SV2C: variants seen among roughly 807,000 people sequenced by gnomAD.
The protein encoded by SV2C is solute carrier family 22 member B3.
SV2C carries 49 observed loss-of-function variants against 79.7 expected under a neutral mutation model. That is an observed-to-expected ratio of 0.61 (90% confidence interval 0.49 to 0.78). The LOEUF (loss-of-function observed/expected upper bound fraction) is 0.78. SV2C is among the 30% of genes least tolerant of loss of function. The probability of loss-of-function intolerance (pLI) is 0.00; values close to 1 mark genes in which losing one functional copy is unlikely to be tolerated. For missense variants in SV2C, 833 were observed against 912.9 expected, an observed-to-expected ratio of 0.91 and a Z score of 1.13; for synonymous variants, 334 against 333.2, an observed-to-expected ratio of 1.00 and a Z score of -0.03.
intron 12 of SV2C, among the ~76,000 whole-genome samples, chr5:76,343,003 C>T (rs560651462): frequency 4.0e-5 from 6 of 151,814 alleles, no homozygotes; most frequent in South Asian, 2.1e-4. Context: ...AGATTATAGG[C>T]GTGAGGCACC....
chr5:76,006,390 G>A, the SV2C span, among the ~76,000 whole-genome samples: 4,867 of 152,170 alleles, frequency 0.032, 283 homozygotes, highest in African/African-American at 0.11. Flanking sequence ...AATGGTTTTT[G>A]TTTAGGCAAT....
chr5:76,085,963 G>A (rs1747180091), intron 1 of SV2C, among the ~76,000 whole-genome samples: 2 of 151,818 alleles, frequency 1.3e-5, no homozygotes. Flanking sequence ...TTTCCTAACA[G>A]TCTAATATGT....
At chr5:75,985,288 T>C in the SV2C span, among the ~76,000 whole-genome samples, 13 of 151,976 alleles carry the variant, frequency 8.6e-5, no homozygotes, top group African/African-American at 2.9e-4. Context: ...AATCTATTCA[T>C]GAGGGATCTG....
intron 4 of SV2C, among the ~76,000 whole-genome samples, chr5:76,270,670 T>C (rs1746819318): frequency 6.6e-6 from 1 of 152,190 alleles, no homozygotes; most frequent in African/African-American, 2.4e-5. Flanking sequence ...TATATTGTGT[T>C]GGGGCTCAAA....
At position 76,131,686 on chromosome 5, in the gene SV2C, G is replaced by GAT; in HGVS notation, c.-65_-64insAT. The GAT allele has an allele frequency of 2.8e-6, 4 of 1,413,542 alleles. No individual in the cohort carries two copies. The highest frequency in any genetic ancestry group is 2.8e-5 in the South Asian group (2 of 71,338). The allele number at this position is 1,413,542 out of a possible 1,614,324, so 87.6% of individuals were successfully genotyped here. On this transcript the variant is annotated 5_prime_UTR_variant, in exon 2 of 13. An upstream open reading frame in the 5' UTR gains an earlier in-frame stop. Coordinates refer to ENST00000502798, the MANE Select transcript of SV2C (RefSeq NM_014979.4). ...ACCCAAAGTGGATGATGCTGTCAGAGCTGAACCACTGAAAGGAGGCTGTGA... is the reference window on the plus strand; with the variant it reads ...ACCCAAAGTGGATGATGCTGTCAGAGATCTGAACCACTGAAAGGAGGCTGTGA...
chr5:76,204,743 G>C (rs1744559162), intron 3 of SV2C, among the ~76,000 whole-genome samples: 1 of 152,056 alleles, frequency 6.6e-6, no homozygotes, highest in South Asian at 2.1e-4. Context: ...CTCTTTCATT[G>C]AAGAAACCTA....
At chr5:75,968,030 G>A in the SV2C span, among the ~76,000 whole-genome samples, 3 of 152,192 alleles carry the variant, frequency 2.0e-5, no homozygotes, top group African/African-American at 7.2e-5. Context: ...CCGCTGTTCT[G>A]CAGACACCGC....
intron 1 of SV2C, among the ~76,000 whole-genome samples, chr5:76,110,773 A>G (rs1748071690): frequency 6.6e-6 from 1 of 152,192 alleles, no homozygotes; most frequent in Middle Eastern, 3.2e-3. Flanking sequence ...TGAAACCAGG[A>G]TGGGATGAAA....
At chr5:75,970,351 T>TA in the SV2C span, among the ~76,000 whole-genome samples, 1 of 151,738 alleles carries the variant, frequency 6.6e-6, no homozygotes. Context: ...AATAGAGACA[T>TA]AAAAAACCCT....
chr5:75,966,978 T>C, the SV2C span, among the ~76,000 whole-genome samples: 4,352 of 152,252 alleles, frequency 0.029, 182 homozygotes, highest in African/African-American at 0.092. Context: ...ACAATTAACA[T>C]GATTGTTGAG....
chr5:76,022,357 C>T, the SV2C span, among the ~76,000 whole-genome samples: 6 of 152,166 alleles, frequency 3.9e-5, no homozygotes, highest in South Asian at 2.1e-4. Context: ...CATGCTGCTC[C>T]GTATTTTCTT....
At chr5:75,887,069 A>G in the SV2C span, among the ~76,000 whole-genome samples, 1 of 152,008 alleles carries the variant, frequency 6.6e-6, no homozygotes, top group Non-Finnish European at 1.5e-5. Context: ...AATATTTAGC[A>G]TTTATTTCTT....
chr5:76,068,123 T>C, the SV2C span, among the ~76,000 whole-genome samples: 1 of 152,180 alleles, frequency 6.6e-6, no homozygotes, highest in Non-Finnish European at 1.5e-5. Flanking sequence ...ATAGGCCTCT[T>C]TATTTCATTC....
intron 2 of SV2C, among the ~76,000 whole-genome samples, chr5:76,167,737 C>T (rs1743087191): frequency 6.6e-6 from 1 of 152,202 alleles, no homozygotes; most frequent in African/African-American, 2.4e-5. Flanking sequence ...GGAAGCCATG[C>T]AGTCTGGCTC....
intron 2 of SV2C, among the ~76,000 whole-genome samples, chr5:76,181,215 A>T (rs1743709603): frequency 2.0e-5 from 3 of 152,186 alleles, no homozygotes; most frequent in Non-Finnish European, 2.9e-5. Context: ...TTCTGTAGAT[A>T]AAGGTTGGTA....
Position 76,264,788 on chromosome 5 carries a change from GC to G in SV2C, c.914-20372del, listed in dbSNP as rs569387729. 1.2e-4 allele frequency among the ~76,000 whole-genome samples: 18 copies of G among 152,292 alleles called. No individual in the cohort carries two copies. The East Asian group carries it at 3.5e-3, about 29-fold the overall frequency. On this transcript the variant is annotated intron_variant, in intron 4 of 12. Transcript: ENST00000502798. The stretch of plus-strand genomic sequence containing the variant: ...AGGCTACAGAACAGTAAAGATTCCT[GC>G]CTGCTCCTTCCTCTGGAAGGTTCTT...
chr5:76,097,848 C>G (rs1368133283), intron 1 of SV2C, among the ~76,000 whole-genome samples: 1 of 152,104 alleles, frequency 6.6e-6, no homozygotes, highest in African/African-American at 2.4e-5. Flanking sequence ...TGAAGGCAGT[C>G]ACATTATTCT....
the SV2C span, chr5:75,910,402 T>G: frequency 1.7e-6 from 1 of 587,934 alleles, no homozygotes; most frequent in Non-Finnish European, 3.3e-6. Flanking sequence ...TGCTGTAGAT[T>G]TCCTGCAGGG....
At chr5:75,926,584 G>T in the SV2C span, among the ~76,000 whole-genome samples, 1 of 152,066 alleles carries the variant, frequency 6.6e-6, no homozygotes, top group African/African-American at 2.4e-5. Flanking sequence ...ATATTCTATG[G>T]ATCTAGTGGC....
Sources: gnomAD v4.1 joint callset for allele counts (sites outside exome capture counted in the v4.1 genomes callset) on GRCh38, gnomAD v4.1.1 for gene constraint, MANE v1.5 for transcripts, NCBI Gene and HGNC (gene_info 2026-07-23, HGNC 2026-07-21) for gene names.